The following ZNF43 variants were observed in gnomAD, a reference collection of about 807,000 sequenced individuals.
ZNF43 encodes zinc finger protein 39-like 1 (KOX 27).
A neutral mutation model predicts 68.4 loss-of-function variants in ZNF43; 44 were observed. The ratio of observed to expected loss-of-function variants is 0.64; its 90% CI spans 0.51 to 0.83. The LOEUF (loss-of-function observed/expected upper bound fraction) is 0.83. ZNF43 is among the 40% of genes least tolerant of loss of function. ZNF43 has a pLI of 0.00. For missense variants in ZNF43, 896 were observed against 933.2 expected (o/e 0.96, Z 0.52); for synonymous variants, 308 against 307.8 (o/e 1.00, Z -0.01).
In ZNF43 at chr19:21,809,472, G is replaced by C. The variant is rs1002970669; in HGVS notation, c.565C>G (p.Leu189Val). 1.9e-6 allele frequency: 3 copies of C among 1,613,806 alleles called. No homozygotes were observed. The highest frequency in any genetic ancestry group is 2.5e-6 in the Non-Finnish European group (3 of 1,179,884). Residue 189 changes from leucine (L) to valine (V), a missense_variant, in exon 4 of 4, where the codon CTA becomes GTA. Leu to Val is a conservative substitution (Grantham distance 32). Transcript: ENST00000354959. ...CGKSFCMLPH[L>V]AQHKIIHTRV... is the part of the protein sequence containing the mutation. Reference sequence around the variant, plus strand: ...GTATGAATTATTTTATGTTGAGCTAGATGTGGAAGCATGCAAAATGATTTG... The same window carrying C: ...GTATGAATTATTTTATGTTGAGCTACATGTGGAAGCATGCAAAATGATTTG...
In ZNF43 at chr19:21,817,941, T is replaced by C; in HGVS notation, c.176A>G (p.Glu59Gly). The C allele has an allele frequency of 6.2e-7, 1 of 1,613,484 alleles. No individual in the cohort carries two copies. Reference sequence around the variant, plus strand: ...CCTCATAGGCTCCCAAGGCTCTTTTTCTTGCTCCAGACAGGTGATCAGGTC... The same window carrying C: ...CCTCATAGGCTCCCAAGGCTCTTTTCCTTGCTCCAGACAGGTGATCAGGTC... Reference protein sequence around the residue: ...KPDLITCLEQEKEPWEPMRRH... With the variant: ...KPDLITCLEQGKEPWEPMRRH... The change falls in exon 3 of 4, where the codon GAA becomes GGA. Residue 59 changes from glutamate to glycine, a missense_variant. Transcript: ENST00000354959.
intron 1 of ZNF43, chr19:21,851,802 C>A (rs1245506972): frequency 4.6e-6 from 6 of 1,297,632 alleles, no homozygotes; most frequent in African/African-American, 1.5e-5. Flanking sequence ...TGGGGCGGAG[C>A]TGCGCCAGCG....
At chr19:21,844,544 C>G (rs962561596) in intron 1 of ZNF43, among the ~76,000 whole-genome samples, 4 of 151,676 alleles carry the variant, frequency 2.6e-5, no homozygotes, top group African/African-American at 7.3e-5. Flanking sequence ...AGGTGTATCT[C>G]TTTTATTGCC....
chr19:21,813,350 C>G (rs1305617668), intron 3 of ZNF43, among the ~76,000 whole-genome samples: 1 of 151,946 alleles, frequency 6.6e-6, no homozygotes, highest in African/African-American at 2.4e-5. Context: ...AATGCAGGAC[C>G]TGAATGACAT....
upstream of ZNF43, chr19:21,839,569 C>G (rs541089656): frequency 6.6e-6 from 1 of 152,106 alleles, no homozygotes; most frequent in Admixed American, 6.6e-5. Flanking sequence ...TGGAGAGGAA[C>G]CAGGCAGAAG....
Position 21,836,066 on chromosome 19 carries a change from C to T in ZNF43, c.-28G>A, listed in dbSNP as rs755199923. The T allele has an allele frequency of 6.2e-7, 1 of 1,613,816 alleles. No individual in the cohort carries two copies. The highest frequency in any genetic ancestry group is 8.5e-7 in the Non-Finnish European group (1 of 1,179,762). On this transcript the variant is annotated 5_prime_UTR_variant, in exon 1 of 4. Transcript: ENST00000354959. ...CTAGGCTTCCGGGGGGTCCTGGCGT[C>T]TTAGCTGTGGATCCCCCAATACCCG...
At chr19:21,842,448 C>T (rs1229478228) in intron 1 of ZNF43, among the ~76,000 whole-genome samples, 5 of 151,172 alleles carry the variant, frequency 3.3e-5, no homozygotes, top group Non-Finnish European at 7.4e-5. Context: ...ATCACAATCC[C>T]GCCTTGGGCA....
intron 1 of ZNF43, among the ~76,000 whole-genome samples, chr19:21,843,940 T>C (rs1248932264): frequency 6.6e-6 from 1 of 152,170 alleles, no homozygotes; most frequent in Non-Finnish European, 1.5e-5. Flanking sequence ...GTTATGTTTA[T>C]GTTAAGGGAT....
chr19:21,844,922 ATATATAT>A (rs1271062637), intron 1 of ZNF43, among the ~76,000 whole-genome samples: 2 of 37,320 alleles, frequency 5.4e-5, no homozygotes, highest in South Asian at 5.9e-4. Flanking sequence ...AAAAAAAAAA[ATATATAT>A]ATATATATAT....
upstream of ZNF43, chr19:21,840,797 G>T (rs992808692): frequency 6.6e-6 from 1 of 152,172 alleles, no homozygotes; most frequent in Non-Finnish European, 1.5e-5. Context: ...AATTTGCTCT[G>T]AGACTTTTTT....
chr19:21,817,070 T>C (rs12973647), intron 3 of ZNF43, among the ~76,000 whole-genome samples: 14,846 of 151,994 alleles, frequency 0.098, 1,028 homozygotes, highest in Non-Finnish European at 0.15. Flanking sequence ...GGCGAAACCC[T>C]GTCTCTACTA....
intron 1 of ZNF43, among the ~76,000 whole-genome samples, chr19:21,822,926 A>G (rs1304474415): frequency 6.6e-6 from 1 of 152,182 alleles, no homozygotes; most frequent in Non-Finnish European, 1.5e-5. Context: ...AATCTTTTTT[A>G]GCCGCTGCCC....
Position 21,817,992 on chromosome 19 carries a change from T to C in ZNF43, c.131-6A>G, listed in dbSNP as rs370167770. 26 of 1,609,544 alleles carry C rather than the reference T, an allele frequency of 1.6e-5. No individual in the cohort carries two copies. In the African/African-American group the frequency reaches 3.2e-4, roughly 20 times the overall value. ...TGGCTTAGAGACAGCAATACCTGTT[T>C]CAATAAAAAATAAATTACGTGAATC... On this transcript the variant is annotated splice_region_variant and splice_polypyrimidine_tract_variant and intron_variant, in intron 2 of 3. Coordinates refer to ENST00000354959, the MANE Select transcript of ZNF43 (RefSeq NM_003423.4).
chr19:21,811,865 A>G (rs576105716), intron 3 of ZNF43: 2 of 376,938 alleles, frequency 5.3e-6, no homozygotes, highest in Non-Finnish European at 9.4e-6. Flanking sequence ...AATAAAACAC[A>G]TAGAAAAAAG....
rs554390607 is a variant in ZNF43 at position 21,808,390 on chromosome 19, A to G, written c.1647T>C (p.His549=). The stretch of plus-strand genomic sequence containing the variant: ...TCTTATGTTTGGTAAGGATTGAGAA[A>G]TGGTTAAAAGCTTTGCCACATTCTT... ...KCEECGKAFN[H]FSILTKHKRI... is the part of the protein sequence containing the mutation. Residue 549 remains histidine (H), a synonymous_variant, in exon 4 of 4, where the codon CAT becomes CAC. Transcript: ENST00000354959. 4 of 1,589,814 alleles carry G rather than the reference A, an allele frequency of 2.5e-6. No homozygotes were observed. In the African/African-American group the frequency reaches 4.4e-5, roughly 18 times the overall value.
chr19:21,818,108 T>A, intron 2 of ZNF43, 122 bp from the exon 3 acceptor site: 1 of 938,536 alleles, frequency 1.1e-6, no homozygotes, highest in Non-Finnish European at 1.5e-6. Context: ...AAATACTAAT[T>A]TTTTTTTTTT....
chr19:21,809,719 G>A lies in ZNF43; in HGVS notation c.318C>T (p.Asn106=). The change falls in exon 4 of 4, where the codon AAC becomes AAT. Residue 106 remains asparagine, a synonymous_variant. Coordinates refer to ENST00000354959, the MANE Select transcript of ZNF43 (RefSeq NM_003423.4). The part of the protein sequence containing the change: ...FQKATLRRYK[N]CEHKNVHLKK... ...TTAAATGTACATTTTTATGTTCACA[G>A]TTTTTATATCTTCTCAGTGTCGCTT... 3.7e-6 allele frequency: 6 copies of A among 1,612,356 alleles called. No individual in the cohort carries two copies. Among genetic ancestry groups the A allele is most frequent in the Non-Finnish European group, 5.1e-6 (6 of 1,179,560 alleles).
chr19:21,835,930 C>G lies in ZNF43; in HGVS notation c.3+106G>C, dbSNP rs1446738558. On this transcript the variant is annotated intron_variant, in intron 1 of 3. Transcript: ENST00000354959. ...ATGGCTGAAGGGGATTGAGGCCGAGCTGGGCAAGAACTCCGGCACGCGCAG... is the reference window on the plus strand; with the variant it reads ...ATGGCTGAAGGGGATTGAGGCCGAGGTGGGCAAGAACTCCGGCACGCGCAG... 4 of 1,583,660 alleles carry G rather than the reference C, an allele frequency of 2.5e-6. No individual in the cohort carries two copies. In the African/African-American group the frequency reaches 5.4e-5, roughly 21 times the overall value.
intron 1 of ZNF43, among the ~76,000 whole-genome samples, chr19:21,847,652 A>T (rs2145424832): frequency 6.6e-6 from 1 of 152,008 alleles, no homozygotes; most frequent in East Asian, 2.0e-4. Context: ...AGCCAAGATC[A>T]CAACATTGCA....
Sources: allele counts gnomAD v4.1 joint callset (sites outside exome capture counted in the v4.1 genomes callset), GRCh38; gene constraint gnomAD v4.1.1; transcripts MANE v1.5; gene names NCBI Gene and HGNC (gene_info 2026-07-23, HGNC 2026-07-21).